The following GBA2 variants were observed in gnomAD, a reference collection of about 807,000 sequenced individuals.
GBA2 encodes glucosylceramidase beta 2.
Under a neutral mutation model 112.9 loss-of-function variants are expected in GBA2, and 79 were observed. That is an observed-to-expected ratio of 0.70 (90% CI 0.58 to 0.84). The LOEUF (loss-of-function observed/expected upper bound fraction) is 0.84. Ranked by LOEUF, GBA2 falls within the 40% of genes least tolerant of loss-of-function variation. GBA2 has a pLI of 0.00. For synonymous variants in GBA2, 403 were observed against 434.3 expected, an observed-to-expected ratio of 0.93 and a Z score of 0.90; for missense variants, 1,043 against 1,190.0, an observed-to-expected ratio of 0.88 and a Z score of 1.82.
intron 3 of GBA2, chr9:35,742,103 G>A (rs1468740420): frequency 3.3e-6 from 2 of 601,584 alleles, no homozygotes; most frequent in Admixed American, 2.7e-5. Context: ...CTCCACTACG[G>A]TGGTGTTAGC....
Position 35,746,862 on chromosome 9 carries a change from G to C in GBA2, c.359+1484C>G, listed in dbSNP as rs1490053791. ...AGCACTCAATAAATATTTATTGAAT[G>C]AGTGGACTCTGGCTGGAAGGGAGAA... is the stretch of plus-strand genomic sequence containing the variant. On this transcript the variant is annotated intron_variant, in intron 1 of 16. Transcript: ENST00000378103. This position sits in a 1 kb window ranked among gnomAD's most constrained non-coding sequence, Gnocchi z 5.2. Among the ~76,000 whole-genome samples, 2 of 152,184 alleles carry C rather than the reference G, an allele frequency of 1.3e-5. No individual in the cohort carries two copies. The highest frequency in any genetic ancestry group is 2.9e-5 in the Non-Finnish European group (2 of 68,032).
intron 10 of GBA2, 70 bp from the exon 11 acceptor site, chr9:35,739,179 G>C: frequency 9.3e-7 from 1 of 1,077,904 alleles, no homozygotes; most frequent in Non-Finnish European, 1.4e-6. Context: ...CTATGTGTGT[G>C]ACTGCAGTGG....
intron 1 of GBA2, among the ~76,000 whole-genome samples, chr9:35,747,130 C>T (rs1013310975): frequency 6.6e-6 from 1 of 152,118 alleles, no homozygotes; most frequent in Non-Finnish European, 1.5e-5. Flanking sequence ...ATTCCAAAAG[C>T]CTTGTATCAG....
chr9:35,745,613 C>G (rs1475907052), intron 1 of GBA2, among the ~76,000 whole-genome samples: 6 of 150,974 alleles, frequency 4.0e-5, no homozygotes, highest in Admixed American at 3.3e-4. Flanking sequence ...CTTGGTAAAG[C>G]CTTCAAAAAA....
At chr9:35,742,849 C>T (rs1156401537) in intron 3 of GBA2, among the ~76,000 whole-genome samples, 1 of 152,178 alleles carries the variant, frequency 6.6e-6, no homozygotes, top group Non-Finnish European at 1.5e-5. Flanking sequence ...CAAACTATGT[C>T]AAATATTTTT....
chr9:35,742,664 G>C (rs554706729), intron 3 of GBA2, among the ~76,000 whole-genome samples: 1 of 152,240 alleles, frequency 6.6e-6, no homozygotes, highest in East Asian at 1.9e-4. Flanking sequence ...TATGTGGAGG[G>C]AATGAGCGAA....
chr9:35,737,112 GGA>G lies in GBA2; in HGVS notation c.*55_*56del. 1 of 1,561,548 alleles carries G rather than the reference GGA, an allele frequency of 6.4e-7. No homozygotes were observed. The highest frequency in any genetic ancestry group is 8.6e-7 in the Non-Finnish European group (1 of 1,159,172). On this transcript the variant is annotated 3_prime_UTR_variant, in exon 17 of 17. Transcript: ENST00000378103. This position sits in a 1 kb window ranked among gnomAD's most constrained non-coding sequence, Gnocchi z 4.1. ...TTGCAGGAGGTTCAGAGGGGAAGGAGGAAAGGCCAGGCTGGAGGCTGGGCTGT... is the reference window on the plus strand; with the variant it reads ...TTGCAGGAGGTTCAGAGGGGAAGGAGAAGGCCAGGCTGGAGGCTGGGCTGT...
chr9:35,740,737 C>T lies in GBA2; in HGVS notation c.1026+88G>A, dbSNP rs752764770. 5.0e-5 allele frequency: 78 copies of T among 1,560,854 alleles called. No individual in the cohort carries two copies. Among genetic ancestry groups the T allele is most frequent in the Non-Finnish European group, 6.5e-5 (74 of 1,136,500 alleles). ...TTAACCTCCCAGGCCCAGGGGCTTA[C>T]AGGAGTATGATGAGGGTGGATGAAG... On this transcript the variant is annotated intron_variant, in intron 5 of 16. Transcript: ENST00000378103. This position sits in a 1 kb window ranked among gnomAD's most constrained non-coding sequence, Gnocchi z 4.7.
chr9:35,741,340 T>TTGG lies in GBA2; in HGVS notation c.787-277_787-276insCCA. On this transcript the variant is annotated intron_variant, in intron 4 of 16. Coordinates refer to ENST00000378103, the MANE Select transcript of GBA2 (RefSeq NM_020944.3). The surrounding 1 kb of genome is among the most constrained non-coding windows in gnomAD (Gnocchi z 4.6). ...CATGCAGTTTCTTTTTTTTTTTTTT[T>TTGG]GGGGGGTGCGGTGGCGCAATCTCGG... 4 of 465,038 alleles carry TTGG rather than the reference T, an allele frequency of 8.6e-6. No individual in the cohort carries two copies. The highest frequency in any genetic ancestry group is 3.8e-5 in the East Asian group (1 of 26,544). 28.8% of individuals were successfully genotyped at this position (465,038 alleles called of 1,614,324 possible).
At position 35,740,501 on chromosome 9, in the gene GBA2, A is replaced by G. The variant is rs759684024; in HGVS notation, c.1129+25T>C. On this transcript the variant is annotated intron_variant, in intron 6 of 16. Transcript: ENST00000378103. This position sits in a 1 kb window ranked among gnomAD's most constrained non-coding sequence, Gnocchi z 4.7. Reference sequence around the variant, plus strand: ...GACAGGGACAACCTCTCTTCCCACCATCTCCCAGTCAGACCCCCCATCACC... The same window carrying G: ...GACAGGGACAACCTCTCTTCCCACCGTCTCCCAGTCAGACCCCCCATCACC... The G allele has an allele frequency of 1.9e-6, 3 of 1,585,660 alleles. No homozygotes were observed. The African/African-American group carries it at 4.0e-5, about 21-fold the overall frequency.
Position 35,737,893 on chromosome 9 carries a change from T to C in GBA2, c.2360A>G (p.Glu787Gly), listed in dbSNP as rs1261754868. 1.2e-6 allele frequency: 2 copies of C among 1,613,226 alleles called. No individual in the cohort carries two copies. Among genetic ancestry groups the C allele is most frequent in the Non-Finnish European group, 1.7e-6 (2 of 1,180,010 alleles). ...TCCTGCAAAGGCCTGGACGTTCAGC[T>C]CAAAGATAGTTTGGAGAGCACGGAC... ...HVVRALQTIF[E>G]LNVQAFAGGA... The change falls in exon 16 of 17, where the codon GAG becomes GGG. Residue 787 changes from glutamate (E) to glycine (G), a missense_variant. Coordinates refer to ENST00000378103, the MANE Select transcript of GBA2 (RefSeq NM_020944.3). This position sits in a 1 kb window ranked among gnomAD's most constrained non-coding sequence, Gnocchi z 4.1.
Position 35,748,793 on chromosome 9 carries a change from C to T in GBA2, c.-89G>A. The T allele has an allele frequency of 2.5e-6, 2 of 794,236 alleles. No individual in the cohort carries two copies. Among genetic ancestry groups the T allele is most frequent in the Middle Eastern group, 3.9e-4 (1 of 2,596 alleles). The allele number at this position is 794,236 out of a possible 1,614,324, so 49.2% of individuals were successfully genotyped here. On this transcript the variant is annotated 5_prime_UTR_variant, in exon 1 of 17. Transcript: ENST00000378103. ...GCGGGCGCCGGTCGTTGTTAGGTATCGTCCCGGAGGGCCGGGCGTTGGGGA... is the reference window on the plus strand; with the variant it reads ...GCGGGCGCCGGTCGTTGTTAGGTATTGTCCCGGAGGGCCGGGCGTTGGGGA...
At chr9:35,744,757 C>G in intron 1 of GBA2, 51 bp from the exon 2 acceptor site, 1 of 982,462 alleles carries the variant, frequency 1.0e-6, no homozygotes, top group Non-Finnish European at 1.6e-6. Flanking sequence ...GGCAGCTGTT[C>G]ACAGGCTGAG....
Position 35,748,926 on chromosome 9 carries a change from T to G in GBA2, c.-222A>C. Reference sequence around the variant, plus strand: ...GCTCTCCTTCGGTTGTCTCTGTAGGTCCTGGACGGGAAGGGTCGGGCCTCG... The same window carrying G: ...GCTCTCCTTCGGTTGTCTCTGTAGGGCCTGGACGGGAAGGGTCGGGCCTCG... On this transcript the variant is annotated 5_prime_UTR_variant, in exon 1 of 17. Transcript: ENST00000378103. The G allele has an allele frequency of 2.2e-6, 1 of 444,786 alleles. No individual in the cohort carries two copies. Among genetic ancestry groups the G allele is most frequent in the Non-Finnish European group, 4.0e-6 (1 of 252,346 alleles). 27.6% of individuals were successfully genotyped at this position (444,786 alleles called of 1,614,324 possible). A position where few individuals can be genotyped will look rare whatever the true frequency, so the allele number is the denominator to read the frequency against.
Position 35,738,299 on chromosome 9 carries a change from G to A in GBA2, c.2130C>T (p.Asp710=), listed in dbSNP as rs1484516232. 4.3e-6 allele frequency: 7 copies of A among 1,613,990 alleles called. No homozygotes were observed. Among genetic ancestry groups the A allele is most frequent in the African/African-American group, 4.0e-5 (3 of 74,922 alleles). Residue 710 remains aspartate (D), a synonymous_variant, in exon 14 of 17, where the codon GAC becomes GAT. Transcript: ENST00000378103. ...GGATAGAAGAAAACTTATCCTGGATGTCCTGTGCCCCACACAGAGCAGCCA... is the reference window on the plus strand; with the variant it reads ...GGATAGAAGAAAACTTATCCTGGATATCCTGTGCCCCACACAGAGCAGCCA... ...VQMAALCGAQ[D]IQDKFSSILS...
chr9:35,749,206 A>T lies in GBA2; in HGVS notation c.-502T>A. 2.5e-6 allele frequency: 1 copy of T among 404,454 alleles called. No individual in the cohort carries two copies. The highest frequency in any genetic ancestry group is 4.9e-6 in the Non-Finnish European group (1 of 202,840). The allele number at this position is 404,454 out of a possible 1,614,324, so 25.1% of individuals were successfully genotyped here. ...TGGGAAGGTGACCCTGGGCGCCGGGATGACCCGAGCCCTTTCCGGTCTGGC... is the reference window on the plus strand; with the variant it reads ...TGGGAAGGTGACCCTGGGCGCCGGGTTGACCCGAGCCCTTTCCGGTCTGGC... On this transcript the variant is annotated 5_prime_UTR_variant, in exon 1 of 17. Transcript: ENST00000378103. This position sits in a 1 kb window ranked among gnomAD's most constrained non-coding sequence, Gnocchi z 4.4.
In GBA2 at chr9:35,737,714, AGATG is replaced by A; in HGVS notation, c.2505+30_2505+33del. ...GAGGAAGTTTTCTGGGCCAGGATAC[AGATG>A]GTGGAGAGATGGGAAAAGGAGTGCA... On this transcript the variant is annotated intron_variant, in intron 16 of 16. Coordinates refer to ENST00000378103, the MANE Select transcript of GBA2 (RefSeq NM_020944.3). This position sits in a 1 kb window ranked among gnomAD's most constrained non-coding sequence, Gnocchi z 4.1. The A allele has an allele frequency of 6.2e-7, 1 of 1,611,504 alleles. No homozygotes were observed. The highest frequency in any genetic ancestry group is 8.5e-7 in the Non-Finnish European group (1 of 1,177,554).
At position 35,741,041 on chromosome 9, in the gene GBA2, G is replaced by C. The variant is rs754968359; in HGVS notation, c.810C>G (p.Val270=). The C allele has an allele frequency of 2.5e-6, 4 of 1,614,076 alleles. No individual in the cohort carries two copies. Among genetic ancestry groups the C allele is most frequent in the Non-Finnish European group, 3.4e-6 (4 of 1,180,004 alleles). ...CTTCATTTTCCACATCCCACACAAA[G>C]ACTCCTACAGGCAGGCTGCTGTCCT... ...DYQDSSLPVG[V]FVWDVENEGD... Residue 270 remains valine, a synonymous_variant, in exon 5 of 17, where the codon GTC becomes GTG. Transcript: ENST00000378103. The surrounding 1 kb of genome is among the most constrained non-coding windows in gnomAD (Gnocchi z 4.6).
At chr9:35,742,165 T>C in intron 3 of GBA2, 1 of 512,534 alleles carries the variant, frequency 2.0e-6, no homozygotes, top group Non-Finnish European at 3.6e-6. Context: ...TTCATCTGGG[T>C]AGCAGAGTGA....
Sources: gnomAD v4.1 joint callset for allele counts (sites outside exome capture counted in the v4.1 genomes callset) on GRCh38, gnomAD v4.1.1 for gene constraint, Gnocchi (gnomAD v3.1) non-coding constraint, MANE v1.5 for transcripts, NCBI Gene and HGNC (gene_info 2026-07-23, HGNC 2026-07-21) for gene names.